Variants in PCNX2 observed in about 807,000 individuals in gnomAD.
The protein encoded by PCNX2 is pecanex 2, also known as pecanex-like protein 2.
In PCNX2, 168 loss-of-function variants were observed where a neutral mutation model predicts 223.8. That is an observed-to-expected ratio of 0.75 (90% CI 0.66 to 0.85). The LOEUF is 0.85. Ranked by LOEUF, PCNX2 falls within the 40% of genes least tolerant of loss-of-function variation. PCNX2 has a pLI of 0.00. For synonymous variants in PCNX2, 1,006 were observed against 1,052.6 expected, an observed-to-expected ratio of 0.96 and a Z score of 0.86; for missense variants, 2,507 against 2,675.5, an observed-to-expected ratio of 0.94 and a Z score of 1.39.
the PCNX2 span, among the ~76,000 whole-genome samples, chr1:233,303,227 A>T: frequency 6.6e-6 from 1 of 152,228 alleles, no homozygotes; most frequent in East Asian, 1.9e-4. Context: ...GAACTAAGTG[A>T]GAAATCAAAG....
At chr1:233,159,309 A>G (rs1362056546) in intron 19 of PCNX2, among the ~76,000 whole-genome samples, 1 of 151,886 alleles carries the variant, frequency 6.6e-6, no homozygotes, top group Admixed American at 6.6e-5. Context: ...ATCTTCAGTG[A>G]CTCTTGCATA....
At chr1:233,021,408 T>A (rs79832368) in intron 26 of PCNX2, among the ~76,000 whole-genome samples, 1,820 of 152,206 alleles carry the variant, frequency 0.012, 43 homozygotes, top group African/African-American at 0.041. Flanking sequence ...ACAATATAAG[T>A]CCTTGGGTCC....
At chr1:233,292,045 T>A in intron 1 of PCNX2, 1 of 965,346 alleles carries the variant, frequency 1.0e-6, no homozygotes, top group Admixed American at 6.2e-5. Flanking sequence ...TGCTAATTAA[T>A]CACTATTTTC....
At chr1:233,044,704 T>G (rs961275595) in intron 25 of PCNX2, among the ~76,000 whole-genome samples, 6 of 152,042 alleles carry the variant, frequency 3.9e-5, no homozygotes, top group Non-Finnish European at 5.9e-5. Context: ...GTTTCACTCT[T>G]GTCGCCCAGG....
At chr1:233,229,542 C>T (rs1398028323) in intron 9 of PCNX2, among the ~76,000 whole-genome samples, 1 of 152,084 alleles carries the variant, frequency 6.6e-6, no homozygotes, top group Non-Finnish European at 1.5e-5. Flanking sequence ...TGCACAGGAG[C>T]CCATGGTTTA....
the PCNX2 span, among the ~76,000 whole-genome samples, chr1:233,307,515 A>G: frequency 6.6e-6 from 1 of 152,206 alleles, no homozygotes; most frequent in Admixed American, 6.5e-5. Flanking sequence ...AGCCAGCAGA[A>G]CTGTGAGCCA....
chr1:233,304,420 T>C, the PCNX2 span, among the ~76,000 whole-genome samples: 39,083 of 152,130 alleles, frequency 0.26, 5,666 homozygotes, highest in East Asian at 0.43. Flanking sequence ...ACTATGTTAA[T>C]GAGGAAATGC....
At chr1:233,141,681 G>GA (rs1677122413) in intron 19 of PCNX2, among the ~76,000 whole-genome samples, 2 of 148,548 alleles carry the variant, frequency 1.3e-5, no homozygotes, top group Non-Finnish European at 3.0e-5. Flanking sequence ...TCAGAAAAAA[G>GA]AAAAAATATA....
At chr1:233,299,082 A>G (rs912288122), upstream of PCNX2, among the ~76,000 whole-genome samples, 13 of 152,054 alleles carry the variant, frequency 8.5e-5, no homozygotes, top group African/African-American at 3.1e-4. Flanking sequence ...GCATGTTCAA[A>G]TGTGAACTCT....
At chr1:232,984,511 C>T in intron 33 of PCNX2, 34 bp from the exon 34 acceptor site, 1 of 1,598,112 alleles carries the variant, frequency 6.3e-7, no homozygotes, top group Non-Finnish European at 8.5e-7. Context: ...GTGAACAGCT[C>T]AGCAAACGTT....
intron 23 of PCNX2, among the ~76,000 whole-genome samples, chr1:233,063,513 C>A (rs1199831843): frequency 6.6e-6 from 1 of 152,090 alleles, no homozygotes; most frequent in South Asian, 2.1e-4. Flanking sequence ...GTCATACATA[C>A]TGTTATTAAT....
intron 17 of PCNX2, among the ~76,000 whole-genome samples, chr1:233,169,602 G>A (rs1336309136): frequency 1.4e-5 from 2 of 144,462 alleles, no homozygotes; most frequent in Non-Finnish European, 3.0e-5. Context: ...TCGAGATCGC[G>A]CCACTGCACT....
intron 21 of PCNX2, among the ~76,000 whole-genome samples, chr1:233,108,163 A>T (rs948989610): frequency 4.6e-5 from 7 of 152,138 alleles, no homozygotes; most frequent in African/African-American, 1.2e-4. Flanking sequence ...TTGTCTGTGG[A>T]GGATCCATTC....
intron 23 of PCNX2, among the ~76,000 whole-genome samples, chr1:233,080,398 ACAAAC>A (rs1673302026): frequency 2.2e-5 from 3 of 137,868 alleles, no homozygotes; most frequent in African/African-American, 9.9e-5. Context: ...ACACACACAC[ACAAAC>A]ACACACACAC....
intron 8 of PCNX2, among the ~76,000 whole-genome samples, chr1:233,237,465 G>C (rs550800085): frequency 6.6e-6 from 1 of 152,206 alleles, no homozygotes; most frequent in African/African-American, 2.4e-5. Flanking sequence ...GAAATGTCTT[G>C]GGTAATTGAT....
At chr1:233,088,154 T>C (rs1318029775) in intron 23 of PCNX2, among the ~76,000 whole-genome samples, 2 of 152,184 alleles carry the variant, frequency 1.3e-5, no homozygotes, top group African/African-American at 4.8e-5. Flanking sequence ...CAGGTGTTAG[T>C]ATGCCTCCCT....
At chr1:233,078,604 C>T (rs1195397736) in intron 23 of PCNX2, among the ~76,000 whole-genome samples, 2 of 152,202 alleles carry the variant, frequency 1.3e-5, no homozygotes, top group African/African-American at 4.8e-5. Context: ...CTACCTGAAT[C>T]ACTCACAAAG....
At chr1:233,119,867 C>G (rs573073232) in intron 21 of PCNX2, among the ~76,000 whole-genome samples, 1 of 151,848 alleles carries the variant, frequency 6.6e-6, no homozygotes, top group South Asian at 2.1e-4. Flanking sequence ...ACAAGGGAAT[C>G]AAATCTAGAG....
At chr1:233,132,471 G>A (rs1676559501) in intron 21 of PCNX2, among the ~76,000 whole-genome samples, 1 of 152,128 alleles carries the variant, frequency 6.6e-6, no homozygotes, top group Non-Finnish European at 1.5e-5. Flanking sequence ...AGGAAAGGCG[G>A]CCTGTGCTCC....
Sources: allele counts gnomAD v4.1 joint callset (sites outside exome capture counted in the v4.1 genomes callset), GRCh38; gene constraint gnomAD v4.1.1; transcripts MANE v1.5; gene names NCBI Gene and HGNC (gene_info 2026-07-23, HGNC 2026-07-21).